Variants in ACACB observed in about 807,000 individuals in gnomAD.
ACACB encodes acetyl-CoA carboxylase 2.
A neutral mutation model predicts 278.8 loss-of-function variants in ACACB; 209 were observed. The ratio of observed to expected loss-of-function variants is 0.75; its 90% confidence interval spans 0.67 to 0.84. The LOEUF (loss-of-function observed/expected upper bound fraction) is 0.84. Ranked by LOEUF, ACACB falls within the 40% of genes least tolerant of loss-of-function variation. The probability of loss-of-function intolerance (pLI) is 0.00; values close to 1 mark genes in which losing one functional copy is unlikely to be tolerated. For synonymous variants in ACACB, 1,174 were observed against 1,285.6 expected, an observed-to-expected ratio of 0.91 and a Z score of 1.86; for missense variants, 2,850 against 3,269.0, an observed-to-expected ratio of 0.87 and a Z score of 3.13.
intron 2 of ACACB, among the ~76,000 whole-genome samples, chr12:109,151,604 G>A (rs1386724392): frequency 2.0e-5 from 3 of 152,236 alleles, no homozygotes; most frequent in African/African-American, 4.8e-5. Context: ...GGAAGGGTAA[G>A]TTCAAGCCCA....
rs371396717 is a variant in ACACB, at chr12:109,180,072, G to A, written c.1803G>A (p.Pro601=). 27 of 1,611,018 alleles carry A rather than the reference G, an allele frequency of 1.7e-5. No individual in the cohort carries two copies. Among genetic ancestry groups the A allele is most frequent in the African/African-American group, 2.7e-5 (2 of 74,838 alleles). ...AAATGATTGCTGATGTTAATCTGCC[G>A]GCCGCCCAGCTACAGGTGAGAAAAT... ...CTEMIADVNL[P]AAQLQIAMGV... Residue 601 remains proline, a synonymous_variant, in exon 11 of 53, where the codon CCG becomes CCA. Transcript: ENST00000338432.
At chr12:109,247,560 C>G in intron 39 of ACACB, 46 bp from the exon 40 acceptor site, 1 of 1,389,886 alleles carries the variant, frequency 7.2e-7, no homozygotes, top group Non-Finnish European at 1.0e-6. Context: ...CAGTGGCTTT[C>G]AGTGCAGGGA....
chr12:109,260,009 C>T, intron 47 of ACACB: 1 of 1,263,204 alleles, frequency 7.9e-7, no homozygotes, highest in Non-Finnish European at 1.1e-6. Context: ...GAGCTAATTG[C>T]TGACATGCAG....
chr12:109,150,059 T>A (rs182842435), intron 2 of ACACB, among the ~76,000 whole-genome samples: 13 of 152,184 alleles, frequency 8.5e-5, no homozygotes, highest in Non-Finnish European at 1.6e-4. Context: ...TCAGGCTTCA[T>A]TGAGTTGCTG....
At chr12:109,144,710 G>C (rs901043626) in intron 2 of ACACB, among the ~76,000 whole-genome samples, 4 of 151,660 alleles carry the variant, frequency 2.6e-5, no homozygotes, top group Admixed American at 6.6e-5. Context: ...AGGGACAAAG[G>C]GGAGCTTCAT....
chr12:109,146,745 G>C (rs1478116386), intron 2 of ACACB, among the ~76,000 whole-genome samples: 2 of 152,112 alleles, frequency 1.3e-5, no homozygotes, highest in Non-Finnish European at 2.9e-5. Context: ...CATGGTCATG[G>C]CTCACTGCAG....
At chr12:109,131,135 A>G (rs1185181273) in intron 1 of ACACB, among the ~76,000 whole-genome samples, 2 of 152,194 alleles carry the variant, frequency 1.3e-5, no homozygotes, top group African/African-American at 2.4e-5. Flanking sequence ...CCCTGGGAGC[A>G]CAGATAGCCT....
chr12:109,179,115 A>G lies in ACACB; in HGVS notation c.1465A>G (p.Ile489Val), dbSNP rs751726366. The change falls in exon 10 of 53, where the codon ATC becomes GTC. Residue 489 changes from isoleucine (I) to valine (V), a missense_variant. Ile to Val is a conservative substitution (Grantham distance 29). Around this residue, in one of 3 missense-constraint regions of ACACB, gnomAD observed 2,265 missense variants for 2,561.3 expected, o/e 0.88. Transcript: ENST00000338432. ...ACAGAGTGAGATCCCAGGCTCGCCC[A>G]TCTTTCTCATGAAGCTGGCCCAGCA... Reference protein sequence around the residue: ...QVQSEIPGSPIFLMKLAQHAR... With the variant: ...QVQSEIPGSPVFLMKLAQHAR... The G allele has an allele frequency of 1.2e-5, 20 of 1,613,418 alleles. No homozygotes were observed. Among genetic ancestry groups the G allele is most frequent in the East Asian group, 4.5e-5 (2 of 44,872 alleles).
chr12:109,210,751 C>T (rs2045820020), intron 21 of ACACB, among the ~76,000 whole-genome samples: 1 of 147,808 alleles, frequency 6.8e-6, no homozygotes, highest in South Asian at 2.1e-4. Flanking sequence ...CCCATCTATA[C>T]TAAAAAAAAA....
At position 109,234,134 on chromosome 12, in the gene ACACB, C is replaced by T. The variant is rs371149719; in HGVS notation, c.4347+89C>T. Reference sequence around the variant, plus strand: ...TCGAGGCGGCCCTTGGGGAGGCAGGCGTGCTGAGTACTTCAGAGCCACAGA... The same window carrying T: ...TCGAGGCGGCCCTTGGGGAGGCAGGTGTGCTGAGTACTTCAGAGCCACAGA... On this transcript the variant is annotated intron_variant, in intron 31 of 52. Transcript: ENST00000338432. 2.0e-4 allele frequency: 211 copies of T among 1,080,576 alleles called. 3 individuals carry two copies. The South Asian group carries it at 2.5e-3, about 13-fold the overall frequency. The allele number at this position is 1,080,576 out of a possible 1,614,324, so 66.9% of individuals were successfully genotyped here. A position where few individuals can be genotyped will look rare whatever the true frequency, so the allele number is the denominator to read the frequency against.
chr12:109,230,642 T>G (rs578110334), intron 28 of ACACB, among the ~76,000 whole-genome samples: 11 of 152,208 alleles, frequency 7.2e-5, no homozygotes, highest in African/African-American at 2.6e-4. Context: ...GTGGCCCAGG[T>G]TGGTCTTGAA....
At chr12:109,210,235 A>ATATATACACACATATCTG (rs1217482493) in intron 21 of ACACB, among the ~76,000 whole-genome samples, 1 of 21,076 alleles carries the variant, frequency 4.7e-5, no homozygotes. Context: ...GTGTATATGT[A>ATATATACACACATATCTG]TATATGTATA....
At chr12:109,154,641 A>C (rs966754136) in intron 2 of ACACB, 14 of 152,146 alleles carry the variant, frequency 9.2e-5, no homozygotes, top group African/African-American at 2.9e-4. Context: ...GGTGGGGCCT[A>C]GGCGGGCGCG....
At chr12:109,204,668 G>A (rs2045442779) in intron 19 of ACACB, among the ~76,000 whole-genome samples, 1 of 151,720 alleles carries the variant, frequency 6.6e-6, no homozygotes, top group Non-Finnish European at 1.5e-5. Flanking sequence ...CCCAGACCCT[G>A]GCAGCCATCA....
chr12:109,266,542 TCCAAACAAAA>T lies in ACACB; in HGVS notation c.*181_*190del. On this transcript the variant is annotated 3_prime_UTR_variant, in exon 53 of 53. Transcript: ENST00000338432. ...TAACAAAAGGCCCAGGAGTGCCTCT[TCCAAACAAAA>T]ACAGCCTCCTCTCCATAGCTGGGAA... 1.5e-6 allele frequency: 1 copy of T among 673,878 alleles called. No homozygotes were observed. The highest frequency in any genetic ancestry group is 3.7e-5 in the South Asian group (1 of 27,112). 41.7% of individuals were successfully genotyped at this position (673,878 alleles called of 1,614,324 possible).
chr12:109,254,308 G>T lies in ACACB; in HGVS notation c.6140G>T (p.Trp2047Leu). The T allele has an allele frequency of 6.2e-7, 1 of 1,613,278 alleles. No homozygotes were observed. The highest frequency in any genetic ancestry group is 1.1e-5 in the South Asian group (1 of 90,944). Residue 2047 changes from tryptophan to leucine, a missense_variant, in exon 44 of 53, where the codon TGG becomes TTG. Transcript: ENST00000338432. The stretch of plus-strand genomic sequence containing the variant: ...TCCAGAGCTCCCTACGACCCCCGGT[G>T]GATGCTTGCAGGAAGGCCTCACCCA... The part of the protein sequence containing the change: ...LPSRAPYDPR[W>L]MLAGRPHPTL...
At chr12:109,121,489 C>T (rs2042548028) in intron 1 of ACACB, among the ~76,000 whole-genome samples, 1 of 152,166 alleles carries the variant, frequency 6.6e-6, no homozygotes, top group Non-Finnish European at 1.5e-5. Context: ...ACCCACATAA[C>T]TACAACCTAT....
chr12:109,202,840 T>A (rs929626406), intron 19 of ACACB, among the ~76,000 whole-genome samples: 1 of 152,224 alleles, frequency 6.6e-6, no homozygotes, highest in African/African-American at 2.4e-5. Context: ...TTTCTTTAGT[T>A]CATTTTTTAA....
upstream of ACACB, among the ~76,000 whole-genome samples, chr12:109,114,075 G>T (rs1452563879): frequency 6.6e-6 from 1 of 152,044 alleles, no homozygotes; most frequent in East Asian, 1.9e-4. Flanking sequence ...AACTTCCTGG[G>T]TTCAGGTGAT....
Sources: allele counts gnomAD v4.1 joint callset (sites outside exome capture counted in the v4.1 genomes callset), GRCh38; gene constraint gnomAD v4.1.1; regional missense constraint gnomAD v4.1.1; transcripts MANE v1.5; gene names NCBI Gene and HGNC (gene_info 2026-07-23, HGNC 2026-07-21).